Variants in PLCZ1 observed in about 807,000 individuals in gnomAD.
PLCZ1 encodes phospholipase C zeta 1.
Under a neutral mutation model 76.8 loss-of-function variants are expected in PLCZ1, and 64 were observed. That is an observed-to-expected ratio of 0.83 (90% CI 0.68 to 1.03). PLCZ1 has a LOEUF of 1.03. Among genes scored for constraint, PLCZ1 ranks in the 50% least tolerant of loss-of-function variants. The probability of loss-of-function intolerance (pLI) is 0.00; values close to 1 mark genes in which losing one functional copy is unlikely to be tolerated. For synonymous variants in PLCZ1, 248 were observed against 230.8 expected, an observed-to-expected ratio of 1.07 and a Z score of -0.68; for missense variants, 751 against 713.7, an observed-to-expected ratio of 1.05 and a Z score of -0.60.
At chr12:18,668,917 G>T in the PLCZ1 span, among the ~76,000 whole-genome samples, 1 of 152,002 alleles carries the variant, frequency 6.6e-6, no homozygotes, top group Non-Finnish European at 1.5e-5. Context: ...CAGCAAAGAC[G>T]AAATAAATTA....
At chr12:18,705,422 T>C in intron 6 of PLCZ1, 107 bp from the exon 7 acceptor site, 4 of 1,368,690 alleles carry the variant, frequency 2.9e-6, no homozygotes, top group Non-Finnish European at 4.1e-6. Flanking sequence ...TAACGTTTAG[T>C]ACCTTTGCAA....
chr12:18,713,064 G>T, intron 5 of PLCZ1, 78 bp from the exon 6 acceptor site: 3 of 1,553,412 alleles, frequency 1.9e-6, no homozygotes, highest in Non-Finnish European at 1.8e-6. Context: ...ATATTCCAAA[G>T]ACCATTTGAT....
At chr12:18,735,931 T>G (rs539667204) in intron 3 of PLCZ1, 4 of 258,262 alleles carry the variant, frequency 1.5e-5, no homozygotes, top group Admixed American at 1.5e-4. Context: ...CACTAACATC[T>G]AATACAGTTA....
the PLCZ1 span, chr12:18,648,181 TTTA>T: frequency 3.1e-6 from 1 of 320,920 alleles, no homozygotes; most frequent in South Asian, 1.1e-4. Context: ...TTTTGTGTTG[TTTA>T]TTTTCTACCT....
At chr12:18,717,628 C>T (rs992401811) in intron 5 of PLCZ1, among the ~76,000 whole-genome samples, 1 of 152,102 alleles carries the variant, frequency 6.6e-6, no homozygotes, top group African/African-American at 2.4e-5. Context: ...CCACAGAACC[C>T]TTGCATGTTG....
chr12:18,692,724 A>G (rs1445387329), intron 12 of PLCZ1: 1 of 851,070 alleles, frequency 1.2e-6, no homozygotes, highest in Non-Finnish European at 1.9e-6. Context: ...TCATCAACAT[A>G]AAGAAAAAAT....
intron 12 of PLCZ1, among the ~76,000 whole-genome samples, chr12:18,690,127 A>G (rs746678825): frequency 6.6e-6 from 1 of 152,196 alleles, no homozygotes; most frequent in Non-Finnish European, 1.5e-5. Flanking sequence ...AGGAAAAATA[A>G]TGTATTTGTT....
intron 12 of PLCZ1, among the ~76,000 whole-genome samples, chr12:18,694,305 G>GCGCTCTTT (rs1954609978): frequency 6.6e-6 from 1 of 152,072 alleles, no homozygotes; most frequent in South Asian, 2.1e-4. Context: ...CCAATAAAGC[G>GCGCTCTTT]CGCTCTTTCA....
intron 5 of PLCZ1, chr12:18,714,606 C>T (rs1286992949): frequency 3.9e-5 from 6 of 152,124 alleles, no homozygotes; most frequent in Admixed American, 6.6e-5. Flanking sequence ...GCTCCCTTGT[C>T]ATACATAGAG....
At chr12:18,692,716 A>G in intron 12 of PLCZ1, 2 of 810,466 alleles carry the variant, frequency 2.5e-6, no homozygotes, top group South Asian at 1.5e-5. Context: ...ACTTTGAATC[A>G]TCAACATAAA....
the PLCZ1 span, among the ~76,000 whole-genome samples, chr12:18,661,254 A>G: frequency 0.4 from 60,025 of 151,908 alleles, 14,009 homozygotes; most frequent in South Asian, 0.59. Flanking sequence ...TACCCCAAAT[A>G]TTTCCAAGTG....
intron 3 of PLCZ1, among the ~76,000 whole-genome samples, chr12:18,728,759 T>G (rs1269329000): frequency 6.6e-6 from 1 of 152,178 alleles, no homozygotes; most frequent in Non-Finnish European, 1.5e-5. Flanking sequence ...AATGGATCAT[T>G]GAACGAGTGG....
chr12:18,682,235 C>A (rs928164632), downstream of PLCZ1, among the ~76,000 whole-genome samples: 2 of 151,982 alleles, frequency 1.3e-5, no homozygotes, highest in Non-Finnish European at 2.9e-5. Flanking sequence ...TGAGAGTAAA[C>A]CATGATAATA....
At chr12:18,724,460 A>G (rs1245019705) in intron 3 of PLCZ1, among the ~76,000 whole-genome samples, 1 of 152,122 alleles carries the variant, frequency 6.6e-6, no homozygotes, top group Non-Finnish European at 1.5e-5. Flanking sequence ...TTTTTTAAAA[A>G]ATGCTTTTTT....
intron 10 of PLCZ1, 84 bp from the exon 11 acceptor site, chr12:18,696,350 A>ATATATATATATATATATATATATATC (rs1472443149): frequency 8.1e-6 from 2 of 247,368 alleles, no homozygotes; most frequent in African/African-American, 2.7e-5. Flanking sequence ...ATATATATAT[A>ATATATATATATATATATATATATATC]TCATATAATT....
intron 6 of PLCZ1, among the ~76,000 whole-genome samples, chr12:18,712,347 G>T (rs536274184): frequency 6.6e-6 from 1 of 152,034 alleles, no homozygotes; most frequent in African/African-American, 2.4e-5. Flanking sequence ...TAACTATATC[G>T]TTGAATCTGT....
intron 4 of PLCZ1, 113 bp downstream of exon 4, chr12:18,723,198 G>A (rs539147570): frequency 1.6e-5 from 15 of 918,430 alleles, no homozygotes; most frequent in Admixed American, 4.9e-5. Context: ...ATCCAAAAAC[G>A]GTAATTTGAT....
At chr12:18,700,538 A>AAAAAAAAAAGG (rs1370935394) in intron 9 of PLCZ1, among the ~76,000 whole-genome samples, 1 of 135,918 alleles carries the variant, frequency 7.4e-6, no homozygotes, top group Non-Finnish European at 1.5e-5. Context: ...AAAAAAAAAT[A>AAAAAAAAAAGG]GTTGCTCTGC....
At chr12:18,707,022 T>A (rs956107030) in intron 6 of PLCZ1, among the ~76,000 whole-genome samples, 1 of 152,198 alleles carries the variant, frequency 6.6e-6, no homozygotes, top group African/African-American at 2.4e-5. Flanking sequence ...ATCTCTCTAA[T>A]CTCTGTCCCT....
Sources: allele counts gnomAD v4.1 joint callset (sites outside exome capture counted in the v4.1 genomes callset), GRCh38; gene constraint gnomAD v4.1.1; transcripts MANE v1.5; gene names NCBI Gene and HGNC (gene_info 2026-07-23, HGNC 2026-07-21).